NR6A1: variants seen among roughly 807,000 people sequenced by gnomAD.
NR6A1 encodes retinoic acid receptor-related testis-associated receptor.
Under a neutral mutation model 59.1 loss-of-function variants are expected in NR6A1, and 7 were observed. The ratio of observed to expected loss-of-function variants is 0.12; its 90% CI spans 0.07 to 0.22. NR6A1 has a LOEUF of 0.22. NR6A1 is among the 10% of genes least tolerant of loss of function. The probability of loss-of-function intolerance (pLI) is 1.00; values close to 1 mark genes in which losing one functional copy is unlikely to be tolerated. For synonymous variants in NR6A1, 243 were observed against 236.1 expected (o/e 1.03, Z -0.27); for missense variants, 468 against 611.6 (o/e 0.77, Z 2.48).
chr9:124,589,415 C>T (rs960352253), intron 2 of NR6A1, among the ~76,000 whole-genome samples: 2 of 152,122 alleles, frequency 1.3e-5, no homozygotes, highest in South Asian at 4.1e-4. Flanking sequence ...CACTGCACTC[C>T]GGCCTGGGCG....
In NR6A1 at chr9:124,680,316, ACTT is replaced by A. The variant is rs764804442; in HGVS notation, c.142+52989_142+52991del. Among the ~76,000 whole-genome samples, 9 of 152,320 alleles carry A rather than the reference ACTT, an allele frequency of 5.9e-5. No individual in the cohort carries two copies. The South Asian group carries it at 1.4e-3, about 25-fold the overall frequency. ...TAAAAAAGCAAATGCCATGTGATTTACTTCTTATTCCCCCACAACCAGAATAAA... is the reference window on the plus strand; with the variant it reads ...TAAAAAAGCAAATGCCATGTGATTTACTTATTCCCCCACAACCAGAATAAA... On this transcript the variant is annotated intron_variant, in intron 2 of 9. Transcript: ENST00000487099.
chr9:124,678,650 C>A (rs1327163405), intron 2 of NR6A1, among the ~76,000 whole-genome samples: 2 of 152,210 alleles, frequency 1.3e-5, no homozygotes, highest in East Asian at 1.9e-4. Context: ...AATGCTCCCC[C>A]TCCCCTCACT....
intron 2 of NR6A1, among the ~76,000 whole-genome samples, chr9:124,650,380 A>G (rs1009101237): frequency 2.0e-5 from 3 of 152,226 alleles, no homozygotes; most frequent in African/African-American, 7.2e-5. Context: ...AGCTTAAAAA[A>G]AAACAACTGA....
intron 2 of NR6A1, among the ~76,000 whole-genome samples, chr9:124,597,668 T>A (rs1490275864): frequency 6.6e-6 from 1 of 152,158 alleles, no homozygotes; most frequent in Non-Finnish European, 1.5e-5. Flanking sequence ...AACAAATCTT[T>A]AACATAGCTT....
intron 1 of NR6A1, among the ~76,000 whole-genome samples, chr9:124,752,901 A>G (rs1840545841): frequency 6.6e-6 from 1 of 152,170 alleles, no homozygotes; most frequent in South Asian, 2.1e-4. Context: ...GATGAGGAAG[A>G]AAAGAGGAGA....
chr9:124,608,493 A>G (rs1302321822), intron 2 of NR6A1, among the ~76,000 whole-genome samples: 1 of 152,222 alleles, frequency 6.6e-6, no homozygotes, highest in African/African-American at 2.4e-5. Context: ...TTATGGCTGC[A>G]GAGTATTCCA....
At chr9:124,673,198 T>C (rs1216620733) in intron 2 of NR6A1, among the ~76,000 whole-genome samples, 1 of 152,184 alleles carries the variant, frequency 6.6e-6, no homozygotes, top group East Asian at 1.9e-4. Flanking sequence ...GGCATGTGCC[T>C]GTAGTCCCAT....
rs182805864 is a variant in NR6A1 at position 124,566,922 on chromosome 9, A to C, written c.143-12352T>G. 3.9e-3 allele frequency among the ~76,000 whole-genome samples: 586 copies of C among 152,008 alleles called. 1 individual carries two copies. Among genetic ancestry groups the C allele is most frequent in the African/African-American group, 0.013 (550 of 41,490 alleles). ...AGGAGATAGAGACCATCCCGGCTAA[A>C]ACGGTGAAACCCCGTCTCTACTAAA... is the stretch of plus-strand genomic sequence containing the variant. On this transcript the variant is annotated intron_variant, in intron 2 of 9. Coordinates refer to ENST00000487099, the MANE Select transcript of NR6A1 (RefSeq NM_033334.4).
intron 4 of NR6A1, among the ~76,000 whole-genome samples, chr9:124,540,872 AT>A: frequency 6.6e-6 from 1 of 152,148 alleles, no homozygotes; most frequent in East Asian, 1.9e-4. Context: ...CTACCACCAC[AT>A]TTTGGATACT....
intron 7 of NR6A1, among the ~76,000 whole-genome samples, chr9:124,527,705 G>A (rs1037746710): frequency 2.0e-5 from 3 of 152,152 alleles, no homozygotes; most frequent in Non-Finnish European, 4.4e-5. Context: ...TATCTAAGGT[G>A]GTGTACCCTA....
chr9:124,635,356 T>A (rs1359905228), intron 2 of NR6A1, among the ~76,000 whole-genome samples: 1 of 152,212 alleles, frequency 6.6e-6, no homozygotes, highest in African/African-American at 2.4e-5. Context: ...GATAACTGCA[T>A]CATGGTGTTG....
At chr9:124,555,250 T>C (rs1320088803) in intron 2 of NR6A1, among the ~76,000 whole-genome samples, 1 of 152,182 alleles carries the variant, frequency 6.6e-6, no homozygotes, top group Non-Finnish European at 1.5e-5. Context: ...AGCTCTTCAC[T>C]TCCTCTTCCT....
At chr9:124,557,568 T>C (rs1047777751) in intron 2 of NR6A1, among the ~76,000 whole-genome samples, 1 of 152,242 alleles carries the variant, frequency 6.6e-6, no homozygotes, top group Non-Finnish European at 1.5e-5. Flanking sequence ...GTATTCCTTT[T>C]ATTTTCCTTT....
At chr9:124,599,152 T>G in intron 2 of NR6A1, 2 of 611,648 alleles carry the variant, frequency 3.3e-6, no homozygotes, top group Non-Finnish European at 6.2e-6. Flanking sequence ...TTTTAAAAAG[T>G]TCCTCTTTGG....
intron 2 of NR6A1, among the ~76,000 whole-genome samples, chr9:124,557,945 C>A (rs1833976698): frequency 6.6e-6 from 1 of 152,162 alleles, no homozygotes; most frequent in Non-Finnish European, 1.5e-5. Flanking sequence ...GAACACCCAC[C>A]ACAACTAGGT....
chr9:124,537,560 G>A (rs138226052), intron 6 of NR6A1, among the ~76,000 whole-genome samples: 97 of 152,272 alleles, frequency 6.4e-4, no homozygotes, highest in Non-Finnish European at 1.2e-3. Context: ...AATGGATGCA[G>A]CAATGGGTAG....
chr9:124,693,278 T>C (rs1838623282), intron 2 of NR6A1, among the ~76,000 whole-genome samples: 1 of 152,132 alleles, frequency 6.6e-6, no homozygotes, highest in Non-Finnish European at 1.5e-5. Context: ...TGAGATAATA[T>C]ATAAGGTGCT....
intron 1 of NR6A1, among the ~76,000 whole-genome samples, chr9:124,738,930 A>C (rs1322029588): frequency 6.6e-6 from 1 of 151,436 alleles, no homozygotes; most frequent in Non-Finnish European, 1.5e-5. Flanking sequence ...TGAACCCGGG[A>C]GGCGGAGGTT....
chr9:124,534,745 GTCTC>G (rs760425031), intron 7 of NR6A1, among the ~76,000 whole-genome samples: 1 of 152,218 alleles, frequency 6.6e-6, no homozygotes, highest in Non-Finnish European at 1.5e-5. Flanking sequence ...TTATGGGAAA[GTCTC>G]TCTGAATTTC....
Sources: allele counts gnomAD v4.1 joint callset (sites outside exome capture counted in the v4.1 genomes callset), GRCh38; gene constraint gnomAD v4.1.1; transcripts MANE v1.5; gene names NCBI Gene and HGNC (gene_info 2026-07-23, HGNC 2026-07-21).